The following DCDC1 variants were observed in gnomAD, a reference collection of about 807,000 sequenced individuals.
DCDC1 encodes the protein doublecortin domain-containing protein 1.
DCDC1 carries 200 observed loss-of-function variants against 178.3 expected under a neutral mutation model. The observed-to-expected ratio is 1.12, with a 90% confidence interval of 1.00 to 1.26. The LOEUF (loss-of-function observed/expected upper bound fraction) is 1.26. DCDC1 is among the 50% of genes most tolerant of loss of function. The pLI is 0.00. For missense variants in DCDC1, 1,983 were observed against 1,749.2 expected (o/e 1.13, Z -2.38); for synonymous variants, 690 against 604.8 (o/e 1.14, Z -2.07).
intron 2 of DCDC1, among the ~76,000 whole-genome samples, chr11:31,333,319 C>G (rs1950099739): frequency 6.6e-6 from 1 of 152,104 alleles, no homozygotes; most frequent in Middle Eastern, 3.2e-3. Flanking sequence ...ACTGATGGGT[C>G]TTGACTCTAT....
intron 20 of DCDC1, among the ~76,000 whole-genome samples, chr11:30,975,209 GAGAGAACATACCTCAACATAATAA>G (rs1393350760): frequency 1.3e-5 from 2 of 151,988 alleles, no homozygotes; most frequent in Non-Finnish European, 2.9e-5. Context: ...ACTAGACACT[GAGAGAACATACCTCAACATAATAA>G]AGGCAACATA....
intron 9 of DCDC1, among the ~76,000 whole-genome samples, chr11:31,230,999 G>T (rs1424734737): frequency 6.6e-6 from 1 of 151,644 alleles, no homozygotes; most frequent in Admixed American, 6.6e-5. Context: ...TTGCTCTGTT[G>T]CCCAGGCTGG....
Position 30,905,132 on chromosome 11 carries a change from A to G in DCDC1, c.4137T>C (p.Thr1379=), listed in dbSNP as rs750507713. 116 of 1,609,600 alleles carry G rather than the reference A, an allele frequency of 7.2e-5. No individual in the cohort carries two copies. Among genetic ancestry groups the G allele is most frequent in the Non-Finnish European group, 9.5e-5 (112 of 1,177,434 alleles). ...VDLSCDKAEK[T]LSYYQARLLS... Reference sequence around the variant, plus strand: ...ATAGACGTGCTTGGTAGTAACTTAGAGTTTTTTCAGCCTTGTCACACGACA... The same window carrying G: ...ATAGACGTGCTTGGTAGTAACTTAGGGTTTTTTCAGCCTTGTCACACGACA... The change falls in exon 31 of 39, where the codon ACT becomes ACC. Residue 1379 remains threonine, a synonymous_variant. Coordinates refer to ENST00000684477, the MANE Select transcript of DCDC1 (RefSeq NM_001387274.1).
At chr11:31,068,898 C>A (rs1956400129) in intron 18 of DCDC1, among the ~76,000 whole-genome samples, 1 of 151,442 alleles carries the variant, frequency 6.6e-6, no homozygotes, top group Admixed American at 6.6e-5. Flanking sequence ...GTAGCCCATG[C>A]TGGAATGCAG....
At chr11:31,163,227 T>A (rs1193633718) in intron 9 of DCDC1, among the ~76,000 whole-genome samples, 1 of 152,188 alleles carries the variant, frequency 6.6e-6, no homozygotes, top group Non-Finnish European at 1.5e-5. Context: ...CAGTATTTTA[T>A]TTGAAATCTC....
In DCDC1 at chr11:31,076,982, G is replaced by A. The variant is rs180916996; in HGVS notation, c.2298+883C>T. On this transcript the variant is annotated intron_variant, in intron 18 of 38. Coordinates refer to ENST00000684477, the MANE Select transcript of DCDC1 (RefSeq NM_001387274.1). ...CCACCTTCTGTTTCCCAGCATCTACGTTTTCTTTTGCTTGTCTGTTGAGCT... is the reference window on the plus strand; with the variant it reads ...CCACCTTCTGTTTCCCAGCATCTACATTTTCTTTTGCTTGTCTGTTGAGCT... 9.2e-5 allele frequency among the ~76,000 whole-genome samples: 14 copies of A among 152,106 alleles called. No individual in the cohort carries two copies. The East Asian group carries it at 2.3e-3, about 25-fold the overall frequency.
At chr11:31,292,570 A>G (rs1947310132) in intron 6 of DCDC1, among the ~76,000 whole-genome samples, 1 of 152,182 alleles carries the variant, frequency 6.6e-6, no homozygotes, top group African/African-American at 2.4e-5. Flanking sequence ...AGGTACATCT[A>G]TAAAAACAGA....
chr11:31,211,754 A>C (rs960302451), intron 9 of DCDC1, among the ~76,000 whole-genome samples: 4 of 152,138 alleles, frequency 2.6e-5, no homozygotes, highest in African/African-American at 9.7e-5. Context: ...GTCATAGAAT[A>C]TCTAAACCTC....
intron 20 of DCDC1, among the ~76,000 whole-genome samples, chr11:31,011,535 A>C (rs573600433): frequency 1.3e-5 from 2 of 152,336 alleles, no homozygotes; most frequent in East Asian, 3.9e-4. Context: ...GTAGTCAGAG[A>C]AGGGCAAATG....
rs929094065 is a variant in DCDC1 at position 31,276,547 on chromosome 11, C to T, written c.961-10947G>A. Reference sequence around the variant, plus strand: ...CCAAGAATTAAAATGTAATAAAATGCCATGCATAAGTCTCTGCTCAGGCCA... The same window carrying T: ...CCAAGAATTAAAATGTAATAAAATGTCATGCATAAGTCTCTGCTCAGGCCA... On this transcript the variant is annotated intron_variant, in intron 7 of 38. Coordinates refer to ENST00000684477, the MANE Select transcript of DCDC1 (RefSeq NM_001387274.1). Among the ~76,000 whole-genome samples, 4 of 151,896 alleles carry T rather than the reference C, an allele frequency of 2.6e-5. No individual in the cohort carries two copies. The East Asian group carries it at 5.8e-4, about 22-fold the overall frequency.
chr11:30,892,795 C>T lies in DCDC1; in HGVS notation c.5082+23G>A, dbSNP rs752170900. ...GGGATTCAAACTCAGGCCTATGAAACACTCCTTTCACACTAGATTTACCTC... is the reference window on the plus strand; with the variant it reads ...GGGATTCAAACTCAGGCCTATGAAATACTCCTTTCACACTAGATTTACCTC... On this transcript the variant is annotated intron_variant, in intron 36 of 38. Coordinates refer to ENST00000684477, the MANE Select transcript of DCDC1 (RefSeq NM_001387274.1). 8.1e-6 allele frequency: 13 copies of T among 1,613,092 alleles called. No individual in the cohort carries two copies. The East Asian group carries it at 2.9e-4, about 36-fold the overall frequency.
chr11:30,922,782 G>A, intron 23 of DCDC1, 144 bp from the exon 24 acceptor site: 1 of 771,896 alleles, frequency 1.3e-6, no homozygotes, highest in South Asian at 4.4e-5. Flanking sequence ...GTACCACTCA[G>A]TACTTTCAAA....
At chr11:31,087,285 G>GC (rs1023633781) in intron 17 of DCDC1, among the ~76,000 whole-genome samples, 4 of 151,450 alleles carry the variant, frequency 2.6e-5, no homozygotes, top group Non-Finnish European at 5.9e-5. Context: ...AGATTTATTA[G>GC]TTTTTTTTAA....
chr11:31,213,144 T>TCC (rs1972941771), intron 9 of DCDC1, among the ~76,000 whole-genome samples: 1 of 139,424 alleles, frequency 7.2e-6, no homozygotes, highest in East Asian at 2.0e-4. Context: ...TCTCTCTCTC[T>TCC]CTCTCTCTCT....
intron 1 of DCDC1, among the ~76,000 whole-genome samples, chr11:31,362,098 T>C (rs747399057): frequency 3.9e-5 from 6 of 152,164 alleles, no homozygotes; most frequent in Middle Eastern, 3.2e-3. Context: ...TCTTTCTCTA[T>C]ACTGAAATTT....
rs574187439 is a variant in DCDC1 at position 31,269,674 on chromosome 11, C to T, written c.961-4074G>A. Among the ~76,000 whole-genome samples the T allele has an allele frequency of 3.3e-5, 5 of 152,306 alleles. 1 individual carries two copies. In the South Asian group the frequency reaches 1.0e-3, roughly 32 times the overall value. On this transcript the variant is annotated intron_variant, in intron 7 of 38. Transcript: ENST00000684477. ...GTGCTGGGATTACAGACATGAACCA[C>T]TGCACCTGGCCTGTTAATTCCATGC...
At chr11:30,885,986 T>G (rs1476891365) in intron 36 of DCDC1, among the ~76,000 whole-genome samples, 1 of 152,106 alleles carries the variant, frequency 6.6e-6, no homozygotes, top group Non-Finnish European at 1.5e-5. Flanking sequence ...TACATCAATT[T>G]GATAGAAGGT....
intron 1 of DCDC1, among the ~76,000 whole-genome samples, chr11:31,340,915 C>T (rs1178212049): frequency 6.6e-6 from 1 of 152,004 alleles, no homozygotes; most frequent in Admixed American, 6.6e-5. Context: ...AAGGAGAAAA[C>T]AAGGCGGAAG....
intron 13 of DCDC1, among the ~76,000 whole-genome samples, chr11:31,104,429 A>G (rs763664319): frequency 4.6e-5 from 7 of 152,158 alleles, no homozygotes; most frequent in Non-Finnish European, 4.4e-5. Flanking sequence ...AAACACTCAG[A>G]CAAACCCAGA....
Sources: gnomAD v4.1 joint callset for allele counts (sites outside exome capture counted in the v4.1 genomes callset) on GRCh38, gnomAD v4.1.1 for gene constraint, MANE v1.5 for transcripts, NCBI Gene and HGNC (gene_info 2026-07-23, HGNC 2026-07-21) for gene names.